DGKB: variants seen among roughly 807,000 people sequenced by gnomAD.
The protein encoded by DGKB is 90 kDa diacylglycerol kinase.
Under a neutral mutation model 114.3 loss-of-function variants are expected in DGKB, and 67 were observed. The observed-to-expected ratio is 0.59, with a 90% CI of 0.48 to 0.72. The LOEUF is 0.72. Among genes scored for constraint, DGKB ranks in the 30% least tolerant of loss-of-function variants. DGKB has a pLI of 0.00. For synonymous variants in DGKB, 398 were observed against 323.1 expected (o/e 1.23, Z -2.49); for missense variants, 907 against 975.2 (o/e 0.93, Z 0.93).
At chr7:14,319,363 A>G (rs1807291422) in intron 23 of DGKB, among the ~76,000 whole-genome samples, 2 of 152,166 alleles carry the variant, frequency 1.3e-5, no homozygotes, top group South Asian at 4.1e-4. Flanking sequence ...TAGACCAGAC[A>G]TTACAGAGAT....
chr7:14,909,665 T>C (rs561455007), intron 1 of DGKB, among the ~76,000 whole-genome samples: 7 of 152,308 alleles, frequency 4.6e-5, no homozygotes, highest in Admixed American at 1.3e-4. Context: ...AAAACAATGA[T>C]TAAATATATA....
At chr7:14,490,727 G>A (rs537584550) in intron 20 of DGKB, among the ~76,000 whole-genome samples, 3 of 152,206 alleles carry the variant, frequency 2.0e-5, no homozygotes, top group South Asian at 2.1e-4. Flanking sequence ...AGCCAATTAC[G>A]ATCCTAATTG....
In DGKB at chr7:14,885,553, T is replaced by C. The variant is rs114518950; in HGVS notation, c.-188+17039A>G. Among the ~76,000 whole-genome samples, 177 of 151,648 alleles carry C rather than the reference T, an allele frequency of 1.2e-3. 3 individuals carry two copies. Among genetic ancestry groups the C allele is most frequent in the Admixed American group, 5.4e-3 (82 of 15,182 alleles). Reference sequence around the variant, plus strand: ...AATGCAAGGAGTGTACAGTGGCACATAGAGATAAAATAAAAGGTGTGCTTC... The same window carrying C: ...AATGCAAGGAGTGTACAGTGGCACACAGAGATAAAATAAAAGGTGTGCTTC... On this transcript the variant is annotated intron_variant, in intron 1 of 25. Coordinates refer to ENST00000402815, the MANE Select transcript of DGKB (RefSeq NM_001350709.2).
At chr7:14,355,206 GAATCCATT>G (rs1814218042) in intron 21 of DGKB, among the ~76,000 whole-genome samples, 1 of 149,112 alleles carries the variant, frequency 6.7e-6, no homozygotes, top group Non-Finnish European at 1.5e-5. Flanking sequence ...GGTCTTTATT[GAATCCATT>G]AAGTCAATCA....
At chr7:14,177,788 G>A (rs1006688831) in intron 24 of DGKB, among the ~76,000 whole-genome samples, 1 of 151,956 alleles carries the variant, frequency 6.6e-6, no homozygotes, top group African/African-American at 2.4e-5. Context: ...GTTTGAATTC[G>A]TGCATCAATA....
At chr7:14,853,670 C>T (rs1369572366) in intron 1 of DGKB, among the ~76,000 whole-genome samples, 1 of 151,700 alleles carries the variant, frequency 6.6e-6, no homozygotes. Context: ...TCCTGGCCAA[C>T]ACGGTGAAAC....
intron 13 of DGKB, among the ~76,000 whole-genome samples, chr7:14,667,907 T>C (rs1415211201): frequency 6.6e-6 from 1 of 152,050 alleles, no homozygotes; most frequent in Non-Finnish European, 1.5e-5. Context: ...TATTAACACA[T>C]ACGAGACCCG....
intron 23 of DGKB, among the ~76,000 whole-genome samples, chr7:14,180,991 C>A (rs1238406614): frequency 6.6e-6 from 1 of 151,938 alleles, no homozygotes; most frequent in Non-Finnish European, 1.5e-5. Flanking sequence ...GCCTATGGAC[C>A]AAATCTGGCC....
chr7:14,785,476 C>T (rs1216100546), intron 2 of DGKB, among the ~76,000 whole-genome samples: 1 of 152,018 alleles, frequency 6.6e-6, no homozygotes, highest in African/African-American at 2.4e-5. Flanking sequence ...ATTTTGTGCA[C>T]ACATGGCATA....
chr7:14,851,629 T>C (rs1849365825), intron 1 of DGKB, among the ~76,000 whole-genome samples: 1 of 152,204 alleles, frequency 6.6e-6, no homozygotes, highest in Non-Finnish European at 1.5e-5. Context: ...TTGCACTTAA[T>C]ACCTTTGTGA....
chr7:14,575,501 G>A (rs913317820), intron 19 of DGKB, among the ~76,000 whole-genome samples: 15 of 152,138 alleles, frequency 9.9e-5, no homozygotes, highest in African/African-American at 3.6e-4. Flanking sequence ...TTTTGTTTCT[G>A]AATCTTCCTC....
At chr7:14,521,996 C>A (rs185921117) in intron 20 of DGKB, among the ~76,000 whole-genome samples, 4 of 152,144 alleles carry the variant, frequency 2.6e-5, no homozygotes, top group African/African-American at 9.6e-5. Context: ...GCAATGCAGA[C>A]CTCTTCTACT....
chr7:14,177,449 G>A (rs183848450), intron 24 of DGKB, among the ~76,000 whole-genome samples: 5 of 151,176 alleles, frequency 3.3e-5, no homozygotes, highest in East Asian at 3.9e-4. Context: ...CCAGATACTC[G>A]GGAGGATGAG....
chr7:14,185,450 T>A (rs1017409905), intron 23 of DGKB, among the ~76,000 whole-genome samples: 1 of 151,930 alleles, frequency 6.6e-6, no homozygotes, highest in African/African-American at 2.4e-5. Flanking sequence ...CCAAAAGCAA[T>A]CTACAATTCA....
At chr7:14,249,676 G>T (rs1264275162) in intron 23 of DGKB, among the ~76,000 whole-genome samples, 4 of 152,062 alleles carry the variant, frequency 2.6e-5, no homozygotes, top group Non-Finnish European at 4.4e-5. Flanking sequence ...TGTGGTAACA[G>T]TTGTACTGTC....
At chr7:14,722,609 C>G (rs1001237189) in intron 5 of DGKB, among the ~76,000 whole-genome samples, 1 of 152,010 alleles carries the variant, frequency 6.6e-6, no homozygotes, top group Non-Finnish European at 1.5e-5. Flanking sequence ...GTGAAGAGAT[C>G]GAGAACATCC....
intron 20 of DGKB, among the ~76,000 whole-genome samples, chr7:14,516,383 G>C (rs1788799727): frequency 6.6e-6 from 1 of 152,160 alleles, no homozygotes; most frequent in Non-Finnish European, 1.5e-5. Flanking sequence ...TTCTTGCCTA[G>C]TTGAAGGGTT....
intron 4 of DGKB, among the ~76,000 whole-genome samples, chr7:14,742,512 G>T (rs1832722492): frequency 6.6e-6 from 1 of 152,016 alleles, no homozygotes; most frequent in African/African-American, 2.4e-5. Flanking sequence ...TTAAATAGGT[G>T]GTCTACATTA....
upstream of DGKB, among the ~76,000 whole-genome samples, chr7:14,904,098 C>T (rs986850477): frequency 2.0e-5 from 3 of 152,106 alleles, no homozygotes; most frequent in African/African-American, 7.2e-5. Flanking sequence ...AAATGGAAGA[C>T]GTTCTCAAAT....
Sources: allele counts gnomAD v4.1 joint callset (sites outside exome capture counted in the v4.1 genomes callset), GRCh38; gene constraint gnomAD v4.1.1; transcripts MANE v1.5; gene names NCBI Gene and HGNC (gene_info 2026-07-23, HGNC 2026-07-21).